Variants in NOS1AP observed in about 807,000 individuals in gnomAD.
NOS1AP encodes the protein nitric oxide synthase 1 adaptor protein.
In NOS1AP, 21 loss-of-function variants were observed where a neutral mutation model predicts 56.2. The ratio of observed to expected loss-of-function variants is 0.37; its 90% CI spans 0.26 to 0.54. NOS1AP has a LOEUF of 0.54. Ranked by LOEUF, NOS1AP falls within the 20% of genes least tolerant of loss-of-function variation. NOS1AP has a pLI of 0.84. For synonymous variants in NOS1AP, 270 were observed against 274.6 expected (o/e 0.98, Z 0.17); for missense variants, 522 against 657.8 (o/e 0.79, Z 2.26).
intron 2 of NOS1AP, among the ~76,000 whole-genome samples, chr1:162,267,593 C>T: frequency 9.2e-6 from 1 of 108,706 alleles, no homozygotes. Context: ...GACCCTGTCT[C>T]TACAAAAAAA....
chr1:162,103,281 C>A (rs151116793), intron 1 of NOS1AP, among the ~76,000 whole-genome samples: 71 of 151,782 alleles, frequency 4.7e-4, no homozygotes, highest in African/African-American at 1.4e-3. Flanking sequence ...AATTTGATTG[C>A]GCTATGGTAT....
intron 1 of NOS1AP, among the ~76,000 whole-genome samples, chr1:162,124,725 G>A (rs1006256787): frequency 6.6e-6 from 1 of 152,104 alleles, no homozygotes; most frequent in African/African-American, 2.4e-5. Context: ...ATTTTGCCAT[G>A]TTGGGCAGCC....
chr1:162,283,650 C>T (rs1655003966), intron 2 of NOS1AP, among the ~76,000 whole-genome samples: 1 of 152,198 alleles, frequency 6.6e-6, no homozygotes, highest in South Asian at 2.1e-4. Context: ...TGGCACGGCA[C>T]ATTAAGTTCC....
chr1:162,275,460 T>G (rs990395623), intron 2 of NOS1AP, among the ~76,000 whole-genome samples: 1 of 152,248 alleles, frequency 6.6e-6, no homozygotes, highest in Admixed American at 6.5e-5. Flanking sequence ...GTTTTACACT[T>G]AAGCCTGTGA....
At position 162,369,339 on chromosome 1, in the gene NOS1AP, A is replaced by G. The variant is rs1198527682; in HGVS notation, c.*1872A>G. On this transcript the variant is annotated 3_prime_UTR_variant, in exon 10 of 10. Transcript: ENST00000361897. ...AGGAAAGTGAGATCCATGAAACTAA[A>G]TGAGCAGCTGTCAGAATCCAGTGTG... 1 of 152,230 alleles carries G rather than the reference A, an allele frequency of 6.6e-6. No homozygotes were observed. Among genetic ancestry groups the G allele is most frequent in the Non-Finnish European group, 1.5e-5 (1 of 68,048 alleles). The allele number at this position is 152,230 out of a possible 1,614,324, so 9.4% of individuals were successfully genotyped here.
At chr1:162,280,432 C>G (rs994433811) in intron 2 of NOS1AP, among the ~76,000 whole-genome samples, 2 of 152,078 alleles carry the variant, frequency 1.3e-5, no homozygotes, top group Non-Finnish European at 2.9e-5. Context: ...TATAATAATC[C>G]TTGCTTTTGT....
chr1:162,168,444 T>G (rs1271949324), intron 2 of NOS1AP, among the ~76,000 whole-genome samples: 1 of 152,198 alleles, frequency 6.6e-6, no homozygotes, highest in African/African-American at 2.4e-5. Context: ...TTCTCTTTGG[T>G]CCTCAGCCAG....
Position 162,293,639 on chromosome 1 carries a change from C to T in NOS1AP, c.270+6203C>T, listed in dbSNP as rs191616982. On this transcript the variant is annotated intron_variant, in intron 3 of 9. Coordinates refer to ENST00000361897, the MANE Select transcript of NOS1AP (RefSeq NM_014697.3). ...TCCTATATCAAAGATGCGCTTACCCCATTCAGTGGTCTTACAAAAGCATAC... is the reference window on the plus strand; with the variant it reads ...TCCTATATCAAAGATGCGCTTACCCTATTCAGTGGTCTTACAAAAGCATAC... Among the ~76,000 whole-genome samples, 31 of 152,370 alleles carry T rather than the reference C, an allele frequency of 2.0e-4. No homozygotes were observed. In the East Asian group the frequency reaches 6.0e-3, roughly 29 times the overall value.
At position 162,134,043 on chromosome 1, in the gene NOS1AP, A is replaced by G. The variant is rs551939928; in HGVS notation, c.106-20362A>G. ...GTATCTCTTCTAAAATTGGGAGAAA[A>G]TGAATTTCAGTTTAAAAGGAAACCT... On this transcript the variant is annotated intron_variant, in intron 1 of 9. Coordinates refer to ENST00000361897, the MANE Select transcript of NOS1AP (RefSeq NM_014697.3). 1.1e-4 allele frequency among the ~76,000 whole-genome samples: 16 copies of G among 152,320 alleles called. 1 individual carries two copies. The highest frequency in any genetic ancestry group is 3.6e-4 in the African/African-American group (15 of 41,576).
intron 1 of NOS1AP, among the ~76,000 whole-genome samples, chr1:162,145,650 C>G (rs1649431589): frequency 2.0e-5 from 3 of 152,198 alleles, no homozygotes; most frequent in African/African-American, 4.8e-5. Flanking sequence ...AGGGCTTTCC[C>G]TTTGGACAGT....
At chr1:162,196,052 T>G (rs1277883003) in intron 2 of NOS1AP, among the ~76,000 whole-genome samples, 9 of 152,234 alleles carry the variant, frequency 5.9e-5, no homozygotes, top group Non-Finnish European at 1.2e-4. Context: ...GGACACAGTC[T>G]TTAGAGTTGG....
Position 162,131,147 on chromosome 1 carries a change from A to G in NOS1AP, c.106-23258A>G, listed in dbSNP as rs141411047. ...CTACTGCGTATTTTATATTTGATCG[A>G]ATGTTTGAACGCTTGCTTGTGTTCT... On this transcript the variant is annotated intron_variant, in intron 1 of 9. Transcript: ENST00000361897. 8.1e-4 allele frequency among the ~76,000 whole-genome samples: 123 copies of G among 152,196 alleles called. 1 individual carries two copies. Among genetic ancestry groups the G allele is most frequent in the African/African-American group, 2.9e-3 (121 of 41,546 alleles).
intron 3 of NOS1AP, among the ~76,000 whole-genome samples, chr1:162,294,836 CT>C (rs1655400736): frequency 6.6e-6 from 1 of 152,312 alleles, no homozygotes; most frequent in South Asian, 2.1e-4. Flanking sequence ...ACAGTTGCCC[CT>C]AGGACTAATT....
intron 2 of NOS1AP, among the ~76,000 whole-genome samples, chr1:162,172,208 C>G (rs1371947987): frequency 1.3e-5 from 2 of 152,180 alleles, no homozygotes; most frequent in African/African-American, 4.8e-5. Context: ...CCCAAGCACC[C>G]ACCAGTAAAT....
intron 2 of NOS1AP, among the ~76,000 whole-genome samples, chr1:162,163,944 T>A (rs1219219886): frequency 6.6e-6 from 1 of 152,214 alleles, no homozygotes; most frequent in East Asian, 1.9e-4. Context: ...GATTTGGGAA[T>A]GATTTTTAAA....
chr1:162,315,953 A>T (rs146908714), intron 4 of NOS1AP, among the ~76,000 whole-genome samples: 12 of 152,266 alleles, frequency 7.9e-5, no homozygotes, highest in African/African-American at 2.6e-4. Flanking sequence ...ACTGTATCTT[A>T]TCTATCTTTG....
chr1:162,305,418 A>C (rs1242218539), intron 4 of NOS1AP, among the ~76,000 whole-genome samples: 1 of 151,780 alleles, frequency 6.6e-6, no homozygotes, highest in Non-Finnish European at 1.5e-5. Context: ...CCTTTATTAC[A>C]GTATACCTCT....
intron 1 of NOS1AP, among the ~76,000 whole-genome samples, chr1:162,124,507 G>GTGTGTGTGT (rs77245896): frequency 0.01 from 1,519 of 150,634 alleles, 25 homozygotes; most frequent in African/African-American, 0.035. Context: ...GTGTGTGTGT[G>GTGTGTGTGT]ACACACACAC....
At chr1:162,160,554 G>C (rs987011805) in intron 2 of NOS1AP, among the ~76,000 whole-genome samples, 1 of 152,104 alleles carries the variant, frequency 6.6e-6, no homozygotes, top group Non-Finnish European at 1.5e-5. Flanking sequence ...CCAGCAGTAC[G>C]CTTCGGCACG....
Sources: allele counts gnomAD v4.1 joint callset (sites outside exome capture counted in the v4.1 genomes callset), GRCh38; gene constraint gnomAD v4.1.1; transcripts MANE v1.5; gene names NCBI Gene and HGNC (gene_info 2026-07-23, HGNC 2026-07-21).